The following B4GALNT2 variants were observed in gnomAD, a reference collection of about 807,000 sequenced individuals.
B4GALNT2 encodes the protein beta-1,4-N-acetyl-galactosaminyltransferase 2 (SID blood group).
Under a neutral mutation model 51.1 loss-of-function variants are expected in B4GALNT2, and 42 were observed. The ratio of observed to expected loss-of-function variants is 0.82; its 90% CI spans 0.64 to 1.06. The LOEUF (loss-of-function observed/expected upper bound fraction) is 1.06. Among genes scored for constraint, B4GALNT2 ranks in the 50% least tolerant of loss-of-function variants. The probability of loss-of-function intolerance (pLI) is 0.00; values close to 1 mark genes in which losing one functional copy is unlikely to be tolerated. For missense variants in B4GALNT2, 602 were observed against 633.6 expected, an observed-to-expected ratio of 0.95 and a Z score of 0.54; for synonymous variants, 253 against 251.7, an observed-to-expected ratio of 1.01 and a Z score of -0.05.
chr17:49,171,768 T>A lies in B4GALNT2; in HGVS notation c.*2040T>A, dbSNP rs1969413. 2.4e-6 allele frequency: 1 copy of A among 421,462 alleles called. No homozygotes were observed. Among genetic ancestry groups the A allele is most frequent in the Non-Finnish European group, 4.6e-6 (1 of 216,258 alleles). The allele number at this position is 421,462 out of a possible 1,614,324, so 26.1% of individuals were successfully genotyped here. A position where few individuals can be genotyped will look rare whatever the true frequency, so the allele number is the denominator to read the frequency against. On this transcript the variant is annotated 3_prime_UTR_variant, in exon 11 of 11. Coordinates refer to ENST00000393354, the MANE Select transcript of B4GALNT2 (RefSeq NM_001159387.2). ...AATAATGATTCCATAGGAATCGTTGTGCAGCACCTCTACCTGTTCTGCAAT... is the reference window on the plus strand; with the variant it reads ...AATAATGATTCCATAGGAATCGTTGAGCAGCACCTCTACCTGTTCTGCAAT...
chr17:49,153,949 C>T lies in B4GALNT2; in HGVS notation c.460+1043C>T, dbSNP rs1410556142. 4.0e-4 allele frequency among the ~76,000 whole-genome samples: 61 copies of T among 151,944 alleles called. 2 individuals are homozygous for T. Among genetic ancestry groups the T allele is most frequent in the Admixed American group, 4.0e-3 (61 of 15,248 alleles). ...TCAAAGAATCTTAGGACATAATTGG[C>T]TTTTCAATGTCCTCCATCATCATGG... On this transcript the variant is annotated intron_variant, in intron 4 of 10. Coordinates refer to ENST00000393354, the MANE Select transcript of B4GALNT2 (RefSeq NM_001159387.2).
intron 7 of B4GALNT2, among the ~76,000 whole-genome samples, chr17:49,161,787 G>T (rs918564431): frequency 6.6e-6 from 1 of 150,680 alleles, no homozygotes; most frequent in African/African-American, 2.4e-5. Context: ...AACCCTGAAG[G>T]CGGAGGTTGC....
At chr17:49,144,472 G>A (rs984021034) in intron 3 of B4GALNT2, among the ~76,000 whole-genome samples, 1 of 152,214 alleles carries the variant, frequency 6.6e-6, no homozygotes, top group African/African-American at 2.4e-5. Context: ...GCTATGTGAG[G>A]AGCAACTGGT....
chr17:49,142,076 A>T lies in B4GALNT2; in HGVS notation c.257A>T (p.Glu86Val). Residue 86 changes from glutamate to valine, a missense_variant, in exon 3 of 11, where the codon GAG (glutamate) becomes GTG (valine). Glu to Val is a moderately radical substitution (Grantham distance 121). Coordinates refer to ENST00000393354, the MANE Select transcript of B4GALNT2 (RefSeq NM_001159387.2). ...KNQCKCEANK[E>V]QGGYNFQDAY... ...CAGTGCAAATGTGAAGCCAACAAAG[A>T]GCAGGGAGGTTACAACTTTCAGGAT... The T allele has an allele frequency of 6.2e-7, 1 of 1,614,150 alleles. No individual in the cohort carries two copies.
At chr17:49,131,080 G>A (rs1397080134), upstream of B4GALNT2, among the ~76,000 whole-genome samples, 2 of 152,196 alleles carry the variant, frequency 1.3e-5, no homozygotes, top group African/African-American at 4.8e-5. Flanking sequence ...AATGAGTCAT[G>A]AAAGATCTCA....
At chr17:49,133,293 A>G (rs2042558338) in intron 1 of B4GALNT2, 19 of 1,414,666 alleles carry the variant, frequency 1.3e-5, no homozygotes, top group African/African-American at 3.1e-5. Context: ...TCTCCTCCAC[A>G]GTCCGCGCGG....
chr17:49,158,857 G>A (rs902463471), intron 5 of B4GALNT2, among the ~76,000 whole-genome samples, 180 bp from the exon 6 acceptor site: 4 of 152,066 alleles, frequency 2.6e-5, no homozygotes, highest in African/African-American at 7.2e-5. Flanking sequence ...GATTGGGGGC[G>A]GGGGCGCTAG....
At chr17:49,156,343 G>A (rs531332741) in intron 4 of B4GALNT2, among the ~76,000 whole-genome samples, 1 of 152,280 alleles carries the variant, frequency 6.6e-6, no homozygotes, top group African/African-American at 2.4e-5. Context: ...AACTGAGGAC[G>A]GGCATCAGAG....
upstream of B4GALNT2, among the ~76,000 whole-genome samples, chr17:49,128,057 T>A (rs1269967141): frequency 1.3e-5 from 2 of 152,184 alleles, no homozygotes; most frequent in East Asian, 1.9e-4. Context: ...CTCTTTTTTT[T>A]ATCAGGGGTG....
chr17:49,172,047 C>A lies in B4GALNT2; in HGVS notation c.*2319C>A. ...TTCCTTGTTGAAGGAATACTCATGGCAATGGTGATCACCACTATCATATCT... is the reference window on the plus strand; with the variant it reads ...TTCCTTGTTGAAGGAATACTCATGGAAATGGTGATCACCACTATCATATCT... On this transcript the variant is annotated 3_prime_UTR_variant, in exon 11 of 11. Transcript: ENST00000393354. 3.7e-6 allele frequency: 1 copy of A among 273,828 alleles called. No individual in the cohort carries two copies. Among genetic ancestry groups the A allele is most frequent in the Non-Finnish European group, 6.8e-6 (1 of 146,828 alleles). 17.0% of individuals were successfully genotyped at this position (273,828 alleles called of 1,614,324 possible). A position where few individuals can be genotyped will look rare whatever the true frequency, so the allele number is the denominator to read the frequency against.
At chr17:49,163,967 G>A (rs2042886956) in intron 7 of B4GALNT2, 121 bp from the exon 8 acceptor site, 1 of 920,318 alleles carries the variant, frequency 1.1e-6, no homozygotes. Context: ...CTGGGTACAA[G>A]AGGCATGAGA....
intron 1 of B4GALNT2, among the ~76,000 whole-genome samples, chr17:49,138,838 C>A (rs1485301662): frequency 1.3e-5 from 2 of 152,192 alleles, no homozygotes; most frequent in African/African-American, 4.8e-5. Context: ...GATTGTGCCA[C>A]TGCACTCCAG....
At chr17:49,120,739 GGT>G in the B4GALNT2 span, among the ~76,000 whole-genome samples, 1 of 151,854 alleles carries the variant, frequency 6.6e-6, no homozygotes, top group East Asian at 1.9e-4. Context: ...CAAATTCCTG[GGT>G]TCAAGTGATC....
chr17:49,160,763 T>C, intron 7 of B4GALNT2, 122 bp downstream of exon 7: 1 of 890,698 alleles, frequency 1.1e-6, no homozygotes, highest in Non-Finnish European at 1.8e-6. Flanking sequence ...ATATGCTCCC[T>C]GACAAGCTTC....
Position 49,159,910 on chromosome 17 carries a change from G to A in B4GALNT2, c.680-645G>A, listed in dbSNP as rs555489697. Among the ~76,000 whole-genome samples, 273 of 152,126 alleles carry A rather than the reference G, an allele frequency of 1.8e-3. 9 individuals carry two copies. The South Asian group carries it at 0.05, about 28-fold the overall frequency. ...CAGCATCTTGTCTTGGGCACTAATA[G>A]GAAAGAACTGGGAGAACTCCCCATT... On this transcript the variant is annotated intron_variant, in intron 6 of 10. Coordinates refer to ENST00000393354, the MANE Select transcript of B4GALNT2 (RefSeq NM_001159387.2).
chr17:49,156,281 C>T (rs1039375948), intron 4 of B4GALNT2, among the ~76,000 whole-genome samples: 1 of 152,196 alleles, frequency 6.6e-6, no homozygotes, highest in African/African-American at 2.4e-5. Flanking sequence ...TGCTTCCTCC[C>T]CTTCAGTGAC....
the B4GALNT2 span, among the ~76,000 whole-genome samples, chr17:49,125,287 G>A: frequency 3.3e-5 from 5 of 152,100 alleles, 1 homozygote; most frequent in Admixed American, 3.3e-4. Context: ...AGCCTCCCGA[G>A]TAGCTGGGAT....
In B4GALNT2 at chr17:49,138,553, G is replaced by T. The variant is rs2042610967; in HGVS notation, c.15-2694G>T. 2.0e-5 allele frequency among the ~76,000 whole-genome samples: 3 copies of T among 152,172 alleles called. 1 individual carries two copies. Among genetic ancestry groups the T allele is most frequent in the African/African-American group, 7.2e-5 (3 of 41,440 alleles). On this transcript the variant is annotated intron_variant, in intron 1 of 10. Transcript: ENST00000393354. ...AGGTTACTTTTCCTATTTAGCTTCA[G>T]CTATCTCATCTGATCATTGCGTGGA...
intron 7 of B4GALNT2, among the ~76,000 whole-genome samples, chr17:49,163,608 T>C (rs149019005): frequency 1.5e-4 from 23 of 151,934 alleles, no homozygotes; most frequent in African/African-American, 5.6e-4. Context: ...ATACAAAAAT[T>C]AGCTGGGTGT....
Sources: allele counts gnomAD v4.1 joint callset (sites outside exome capture counted in the v4.1 genomes callset), GRCh38; gene constraint gnomAD v4.1.1; transcripts MANE v1.5; gene names NCBI Gene and HGNC (gene_info 2026-07-23, HGNC 2026-07-21).